Variants in PIP5K1B observed in about 807,000 individuals in gnomAD.
PIP5K1B encodes the protein phosphatidylinositol-4-phosphate 5-kinase type 1 beta.
In PIP5K1B, 42 loss-of-function variants were observed where a neutral mutation model predicts 67.0. The observed-to-expected ratio is 0.63, with a 90% confidence interval of 0.49 to 0.81. The LOEUF is 0.81. Among genes scored for constraint, PIP5K1B ranks in the 30% least tolerant of loss-of-function variants. The pLI is 0.00. For synonymous variants in PIP5K1B, 214 were observed against 231.4 expected (o/e 0.92, Z 0.68); for missense variants, 459 against 646.3 (o/e 0.71, Z 3.14).
chr9:68,935,061 T>A lies in PIP5K1B; in HGVS notation c.1357+16T>A. 1 of 1,603,476 alleles carries A rather than the reference T, an allele frequency of 6.2e-7. No homozygotes were observed. The highest frequency in any genetic ancestry group is 8.5e-7 in the Non-Finnish European group (1 of 1,175,118). ...GATGAAGAAGGTAAAGATATGTAAC[T>A]TTTTTAAAAAGACAAACGTTCTTGT... On this transcript the variant is annotated intron_variant, in intron 13 of 15. Transcript: ENST00000265382.
intron 14 of PIP5K1B, among the ~76,000 whole-genome samples, chr9:68,949,869 G>T (rs1187486313): frequency 6.6e-6 from 1 of 152,202 alleles, no homozygotes; most frequent in Non-Finnish European, 1.5e-5. Context: ...TCAGAGCTCG[G>T]CGTTTGCCTT....
intron 1 of PIP5K1B, among the ~76,000 whole-genome samples, chr9:68,715,140 T>C (rs956947078): frequency 1.3e-5 from 2 of 152,192 alleles, no homozygotes; most frequent in African/African-American, 4.8e-5. Context: ...TAAAGAAACA[T>C]GACTCAAAAT....
At chr9:68,814,557 T>TGTAATCCCA in intron 2 of PIP5K1B, among the ~76,000 whole-genome samples, 1 of 152,310 alleles carries the variant, frequency 6.6e-6, no homozygotes, top group South Asian at 2.1e-4. Flanking sequence ...TGGCCATGCC[T>TGTAATCCCA]GTAATCCCAG....
Position 68,877,105 on chromosome 9 carries a change from T to C in PIP5K1B, c.318+311T>C, listed in dbSNP as rs557672969. The stretch of plus-strand genomic sequence containing the variant: ...TAAATACTCCTGTGAATTTTGCTGA[T>C]TAGATTCTATTTGAAAGCCTTTCTA... On this transcript the variant is annotated intron_variant, in intron 6 of 15. Transcript: ENST00000265382. Among the ~76,000 whole-genome samples, 4 of 152,316 alleles carry C rather than the reference T, an allele frequency of 2.6e-5. No individual in the cohort carries two copies. In the South Asian group the frequency reaches 8.3e-4, roughly 32 times the overall value.
At position 68,957,113 on chromosome 9, in the gene PIP5K1B, G is replaced by T. The variant is rs73647042; in HGVS notation, c.1502+16323G>T. The stretch of plus-strand genomic sequence containing the variant: ...CAGGTTCTTTCCATCTTTCTGCTCT[G>T]CCATGCTTCACTCTGGTTTTTGCTT... On this transcript the variant is annotated intron_variant, in intron 14 of 15. Transcript: ENST00000265382. Among the ~76,000 whole-genome samples the T allele has an allele frequency of 6.3e-3, 965 of 152,176 alleles. 13 individuals are homozygous for T. Among genetic ancestry groups the T allele is most frequent in the African/African-American group, 0.022 (906 of 41,488 alleles).
chr9:68,925,566 A>T (rs1826647877), intron 12 of PIP5K1B, among the ~76,000 whole-genome samples: 1 of 151,982 alleles, frequency 6.6e-6, no homozygotes, highest in Admixed American at 6.6e-5. Flanking sequence ...TATTTTTCCG[A>T]ATTATTAATA....
chr9:68,869,338 C>T (rs1823513765), intron 5 of PIP5K1B, among the ~76,000 whole-genome samples: 1 of 152,156 alleles, frequency 6.6e-6, no homozygotes, highest in East Asian at 1.9e-4. Flanking sequence ...TTGTTTGCTC[C>T]TTATGAGAAT....
chr9:68,729,073 G>T (rs1342275790), intron 1 of PIP5K1B: 1 of 152,116 alleles, frequency 6.6e-6, no homozygotes, highest in Non-Finnish European at 1.5e-5. Context: ...TATGTTTAAT[G>T]ACATTAATAT....
intron 8 of PIP5K1B, among the ~76,000 whole-genome samples, chr9:68,912,274 C>A (rs1825892983): frequency 6.6e-6 from 1 of 152,178 alleles, no homozygotes; most frequent in African/African-American, 2.4e-5. Context: ...TCAACTTCCA[C>A]AGTGCGTGGC....
At chr9:68,979,344 G>T (rs1829781275) in intron 14 of PIP5K1B, among the ~76,000 whole-genome samples, 1 of 152,202 alleles carries the variant, frequency 6.6e-6, no homozygotes, top group East Asian at 1.9e-4. Flanking sequence ...AATAACATGT[G>T]TAATACAGTC....
intron 12 of PIP5K1B, among the ~76,000 whole-genome samples, chr9:68,932,725 A>G (rs1827060471): frequency 6.6e-6 from 1 of 152,168 alleles, no homozygotes; most frequent in African/African-American, 2.4e-5. Flanking sequence ...TGATGAAAAT[A>G]ATTTTAACAT....
intron 4 of PIP5K1B, among the ~76,000 whole-genome samples, chr9:68,825,623 G>T (rs1833940047): frequency 6.6e-6 from 1 of 152,158 alleles, no homozygotes; most frequent in Admixed American, 6.5e-5. Flanking sequence ...ATGACCCATT[G>T]TGTTTTTGCA....
chr9:68,815,314 T>A (rs1275448154), intron 2 of PIP5K1B, among the ~76,000 whole-genome samples: 1 of 150,672 alleles, frequency 6.6e-6, no homozygotes, highest in African/African-American at 2.4e-5. Flanking sequence ...ATCTAAGAAA[T>A]TTTTTTAAGA....
At chr9:68,831,697 C>T (rs1834330042) in intron 4 of PIP5K1B, among the ~76,000 whole-genome samples, 1 of 151,454 alleles carries the variant, frequency 6.6e-6, no homozygotes, top group African/African-American at 2.4e-5. Context: ...TTTTTTTTGA[C>T]GGAGTTTTGC....
chr9:68,712,252 G>A (rs924698813), intron 1 of PIP5K1B, among the ~76,000 whole-genome samples: 40 of 151,964 alleles, frequency 2.6e-4, no homozygotes, highest in East Asian at 1.9e-4. Context: ...TTCACCTTCC[G>A]CCATGACTGT....
intron 1 of PIP5K1B, among the ~76,000 whole-genome samples, chr9:68,715,637 T>A (rs1359713703): frequency 6.6e-6 from 1 of 152,156 alleles, no homozygotes; most frequent in East Asian, 1.9e-4. Flanking sequence ...CAGCTGCTAA[T>A]CATCAGGGCC....
At chr9:68,833,898 G>A (rs1398946706) in intron 4 of PIP5K1B, among the ~76,000 whole-genome samples, 1 of 152,178 alleles carries the variant, frequency 6.6e-6, no homozygotes, top group Non-Finnish European at 1.5e-5. Context: ...TGTCAGAGAG[G>A]CAAGTGGGTG....
intron 11 of PIP5K1B, among the ~76,000 whole-genome samples, chr9:68,920,334 A>G (rs1826303022): frequency 7.2e-6 from 1 of 139,834 alleles, no homozygotes; most frequent in African/African-American, 2.6e-5. Flanking sequence ...ATCAACATTT[A>G]TACATGCTGG....
intron 14 of PIP5K1B, among the ~76,000 whole-genome samples, chr9:68,973,003 T>A (rs1209708615): frequency 6.6e-6 from 1 of 152,170 alleles, no homozygotes; most frequent in Non-Finnish European, 1.5e-5. Context: ...ATTATTTACA[T>A]CAACCCTGTT....
Sources: gnomAD v4.1 joint callset for allele counts (sites outside exome capture counted in the v4.1 genomes callset) on GRCh38, gnomAD v4.1.1 for gene constraint, MANE v1.5 for transcripts, NCBI Gene and HGNC (gene_info 2026-07-23, HGNC 2026-07-21) for gene names.